The following DCC variants were observed in gnomAD, a reference collection of about 807,000 sequenced individuals.
DCC encodes DCC netrin 1 receptor, also known as netrin receptor DCC.
A neutral mutation model predicts 172.5 loss-of-function variants in DCC; 58 were observed. The observed-to-expected ratio is 0.34, with a 90% confidence interval of 0.27 to 0.42. DCC has a LOEUF of 0.42. Among genes scored for constraint, DCC ranks in the 10% least tolerant of loss-of-function variants. The probability of loss-of-function intolerance (pLI) is 1.00; values close to 1 mark genes in which losing one functional copy is unlikely to be tolerated. For missense variants in DCC, 1,740 were observed against 1,791.0 expected (o/e 0.97, Z 0.51); for synonymous variants, 709 against 644.5 (o/e 1.10, Z -1.52).
At chr18:52,653,191 C>T (rs2035176011) in intron 1 of DCC, among the ~76,000 whole-genome samples, 3 of 152,116 alleles carry the variant, frequency 2.0e-5, no homozygotes, top group Admixed American at 2.0e-4. Context: ...GTATCACAGA[C>T]ATTTTTGATG....
At chr18:53,471,901 GTTAT>G (rs2045701133) in intron 25 of DCC, among the ~76,000 whole-genome samples, 1 of 151,872 alleles carries the variant, frequency 6.6e-6, no homozygotes, top group South Asian at 2.1e-4. Context: ...TTTTGTGTTT[GTTAT>G]TTATTTGCTT....
intron 1 of DCC, among the ~76,000 whole-genome samples, chr18:52,504,429 G>A (rs1351537595): frequency 6.6e-6 from 1 of 152,102 alleles, no homozygotes; most frequent in African/African-American, 2.4e-5. Flanking sequence ...GAGGGAGCAG[G>A]AAGCAAGTTC....
intron 21 of DCC, among the ~76,000 whole-genome samples, chr18:53,430,305 G>C (rs192413475): frequency 2.2e-3 from 333 of 152,212 alleles, no homozygotes; most frequent in African/African-American, 7.5e-3. Context: ...TTTTTCTCTA[G>C]GGATTGATTG....
intron 8 of DCC, among the ~76,000 whole-genome samples, chr18:53,174,870 C>CA (rs1051890643): frequency 3.3e-5 from 5 of 151,822 alleles, no homozygotes; most frequent in African/African-American, 9.7e-5. Context: ...AGAGACACAA[C>CA]AAAAAAAGAG....
Position 53,410,609 on chromosome 18 carries a change from G to T in DCC, c.3093G>T (p.Gly1031=). ...AAGCACGAAATTCAAAAGGAGTGGG[G>T]CCACTCTCTGATCCTATCCTCTTCA... The part of the protein sequence containing the change: ...RIQARNSKGV[G]PLSDPILFRT... Residue 1031 remains glycine, a synonymous_variant, in exon 20 of 29, where the codon GGG becomes GGT. Coordinates refer to ENST00000442544, the MANE Select transcript of DCC (RefSeq NM_005215.4). 2 of 1,609,518 alleles carry T rather than the reference G, an allele frequency of 1.2e-6. No homozygotes were observed. Among genetic ancestry groups the T allele is most frequent in the South Asian group, 1.1e-5 (1 of 90,992 alleles).
chr18:52,664,194 C>T (rs906520934), intron 1 of DCC, among the ~76,000 whole-genome samples: 1 of 152,052 alleles, frequency 6.6e-6, no homozygotes, highest in Non-Finnish European at 1.5e-5. Context: ...TAATCTTAGG[C>T]ATGAACAAAT....
At chr18:52,502,511 C>G (rs2031062851) in intron 1 of DCC, among the ~76,000 whole-genome samples, 1 of 152,070 alleles carries the variant, frequency 6.6e-6, no homozygotes. Flanking sequence ...GGGTGGGACT[C>G]TATTTTAGAT....
chr18:53,369,152 C>A (rs1355036457), intron 15 of DCC, among the ~76,000 whole-genome samples: 3 of 151,428 alleles, frequency 2.0e-5, no homozygotes, highest in African/African-American at 7.3e-5. Context: ...TCTTTTATCT[C>A]CTTGGCTCAG....
chr18:53,403,250 T>G (rs1022144514), intron 19 of DCC, among the ~76,000 whole-genome samples: 1 of 152,070 alleles, frequency 6.6e-6, no homozygotes, highest in African/African-American at 2.4e-5. Flanking sequence ...AGAAGCTGGT[T>G]GTTTGGCAAT....
intron 2 of DCC, among the ~76,000 whole-genome samples, chr18:52,802,459 T>C (rs889673537): frequency 7.8e-6 from 1 of 128,462 alleles, no homozygotes; most frequent in African/African-American, 2.8e-5. Flanking sequence ...AAAACCCATA[T>C]ATAACTTTTT....
At chr18:52,497,779 CG>C in intron 1 of DCC, among the ~76,000 whole-genome samples, 1 of 152,158 alleles carries the variant, frequency 6.6e-6, no homozygotes, top group Middle Eastern at 3.4e-3. Flanking sequence ...AGCATCACCA[CG>C]GGGAGCTTGA....
At chr18:52,575,102 T>C (rs1010777105) in intron 1 of DCC, among the ~76,000 whole-genome samples, 2 of 152,178 alleles carry the variant, frequency 1.3e-5, no homozygotes, top group African/African-American at 4.8e-5. Context: ...AGCCCATTTA[T>C]GTTATTACTT....
intron 1 of DCC, among the ~76,000 whole-genome samples, chr18:52,443,322 A>T (rs1308141199): frequency 6.6e-6 from 1 of 152,196 alleles, no homozygotes; most frequent in African/African-American, 2.4e-5. Flanking sequence ...CTAAGCACTA[A>T]GCTCTGCTGT....
At chr18:52,926,969 A>G (rs2040216572) in intron 5 of DCC, among the ~76,000 whole-genome samples, 1 of 143,004 alleles carries the variant, frequency 7.0e-6, no homozygotes, top group Non-Finnish European at 1.5e-5. Context: ...ATATGGATAT[A>G]TATACATATA....
At chr18:53,177,331 A>G (rs920087585) in intron 8 of DCC, among the ~76,000 whole-genome samples, 1 of 150,960 alleles carries the variant, frequency 6.6e-6, no homozygotes, top group Non-Finnish European at 1.5e-5. Flanking sequence ...AAAGTATAAT[A>G]AAAAAAAAGA....
chr18:52,807,428 A>G (rs1393402393), intron 2 of DCC, among the ~76,000 whole-genome samples: 1 of 152,170 alleles, frequency 6.6e-6, no homozygotes, highest in African/African-American at 2.4e-5. Flanking sequence ...TAATACACTC[A>G]CTCATATTTC....
chr18:53,140,054 A>G (rs1292584444), intron 7 of DCC, among the ~76,000 whole-genome samples: 1 of 152,252 alleles, frequency 6.6e-6, no homozygotes, highest in Non-Finnish European at 1.5e-5. Flanking sequence ...AGATGAATAG[A>G]TAGATAAATG....
rs549799455 is a variant in DCC at position 52,908,206 on chromosome 18, G to A, written c.697+1878G>A. On this transcript the variant is annotated intron_variant, in intron 3 of 28. Transcript: ENST00000442544. ...TTCTTGTAATTCTAAAAGCAAACTG[G>A]CAATTCAATTGAAAGTTTCCAGGTG... Among the ~76,000 whole-genome samples, 46 of 152,214 alleles carry A rather than the reference G, an allele frequency of 3.0e-4. No homozygotes were observed. In the South Asian group the frequency reaches 9.3e-3, roughly 31 times the overall value.
intron 1 of DCC, among the ~76,000 whole-genome samples, chr18:52,404,085 G>T (rs926822474): frequency 5.9e-5 from 9 of 152,066 alleles, no homozygotes; most frequent in African/African-American, 2.2e-4. Context: ...GCCTGACTTT[G>T]AGGGGTAGGA....
Sources: allele counts gnomAD v4.1 joint callset (sites outside exome capture counted in the v4.1 genomes callset), GRCh38; gene constraint gnomAD v4.1.1; transcripts MANE v1.5; gene names NCBI Gene and HGNC (gene_info 2026-07-23, HGNC 2026-07-21).